The following MYRIP variants were observed in gnomAD, a reference collection of about 807,000 sequenced individuals.
MYRIP encodes the protein myosin VIIA and Rab interacting protein, also known as rab effector MyRIP.
MYRIP carries 49 observed loss-of-function variants against 98.0 expected under a neutral mutation model. The observed-to-expected ratio is 0.50, with a 90% CI of 0.40 to 0.63. The LOEUF (loss-of-function observed/expected upper bound fraction) is 0.63, where lower values mean the gene tolerates loss of function less well. Among genes scored for constraint, MYRIP ranks in the 30% least tolerant of loss-of-function variants. The pLI, the probability that MYRIP is intolerant of heterozygous loss-of-function variation, is 0.00. For missense variants in MYRIP, 1,004 were observed against 1,058.2 expected (o/e 0.95, Z 0.71); for synonymous variants, 404 against 409.5 (o/e 0.99, Z 0.16).
At position 39,929,742 on chromosome 3, in the gene MYRIP, T is replaced by G. The variant is rs530315268; in HGVS notation, c.110+28816T>G. On this transcript the variant is annotated intron_variant, in intron 2 of 16. Coordinates refer to ENST00000302541, the MANE Select transcript of MYRIP (RefSeq NM_015460.4). ...CGCTCCAAAAAGAAGCCCCATTCTC[T>G]CAACCTCTAGCAATCATTAATATAC... Among the ~76,000 whole-genome samples the G allele has an allele frequency of 4.4e-3, 669 of 152,134 alleles. 6 individuals are homozygous for G. Among genetic ancestry groups the G allele is most frequent in the African/African-American group, 0.015 (607 of 41,558 alleles).
chr3:39,981,087 T>A (rs1370418604), intron 2 of MYRIP, among the ~76,000 whole-genome samples: 1 of 152,208 alleles, frequency 6.6e-6, no homozygotes, highest in East Asian at 1.9e-4. Flanking sequence ...AACATAAGTG[T>A]CATGGAATTT....
At chr3:40,167,261 G>A (rs565237570) in intron 7 of MYRIP, 22 bp downstream of exon 7, 1 of 1,610,902 alleles carries the variant, frequency 6.2e-7, no homozygotes, top group Admixed American at 1.7e-5. Flanking sequence ...CTGGCAGTGG[G>A]ATGGCTGCAG....
intron 3 of MYRIP, among the ~76,000 whole-genome samples, chr3:40,117,751 T>C (rs1949313809): frequency 6.6e-6 from 1 of 152,080 alleles, no homozygotes; most frequent in Non-Finnish European, 1.5e-5. Flanking sequence ...AAAAAATAAA[T>C]AACTTTAGAC....
chr3:40,154,435 C>A (rs544994970), intron 4 of MYRIP, among the ~76,000 whole-genome samples: 3 of 152,160 alleles, frequency 2.0e-5, no homozygotes, highest in Admixed American at 6.5e-5. Flanking sequence ...CATTTCAGAG[C>A]CAAAACTCTA....
At position 39,864,811 on chromosome 3, in the gene MYRIP, T is replaced by C. The variant is rs756265433; in HGVS notation, c.-30-35976T>C. Among the ~76,000 whole-genome samples, 41 of 152,254 alleles carry C rather than the reference T, an allele frequency of 2.7e-4. 1 individual carries two copies. Among genetic ancestry groups the C allele is most frequent in the Non-Finnish European group, 1.0e-4 (7 of 67,984 alleles). On this transcript the variant is annotated intron_variant, in intron 1 of 16. Coordinates refer to ENST00000302541, the MANE Select transcript of MYRIP (RefSeq NM_015460.4). Reference sequence around the variant, plus strand: ...TTAGAAAAAGCTATTTTAAAATTCATATGGAACAAACGAAAAAAAGCCTAA... The same window carrying C: ...TTAGAAAAAGCTATTTTAAAATTCACATGGAACAAACGAAAAAAAGCCTAA...
intron 12 of MYRIP, among the ~76,000 whole-genome samples, chr3:40,243,342 T>G (rs2125712053): frequency 1.3e-5 from 2 of 151,374 alleles, no homozygotes; most frequent in Middle Eastern, 6.8e-3. Flanking sequence ...TGCCAAGGAA[T>G]TGACAGAGTG....
At chr3:39,938,029 A>G (rs543814062) in intron 2 of MYRIP, among the ~76,000 whole-genome samples, 47 of 152,302 alleles carry the variant, frequency 3.1e-4, no homozygotes, top group South Asian at 8.3e-4. Flanking sequence ...GTGGTCTCCT[A>G]GGAGAAAGCA....
At chr3:40,146,481 G>T (rs1457002273) in intron 3 of MYRIP, among the ~76,000 whole-genome samples, 1 of 152,132 alleles carries the variant, frequency 6.6e-6, no homozygotes, top group Non-Finnish European at 1.5e-5. Context: ...TTTAAAAGGG[G>T]CACCTCCCCA....
rs1953716019 is a variant in MYRIP at position 40,260,031 on chromosome 3, T to A, written c.*1865T>A. The A allele has an allele frequency of 6.6e-6, 1 of 152,664 alleles. No individual in the cohort carries two copies. Among genetic ancestry groups the A allele is most frequent in the Admixed American group, 6.5e-5 (1 of 15,274 alleles). 9.5% of individuals were successfully genotyped at this position (152,664 alleles called of 1,614,324 possible). A position where few individuals can be genotyped will look rare whatever the true frequency, so the allele number is the denominator to read the frequency against. ...GTGGCATCTGAACTTTTATAAAGGT[T>A]TCCTTGTGCCAAATAAGTGCAAAGA... is the stretch of plus-strand genomic sequence containing the variant. On this transcript the variant is annotated 3_prime_UTR_variant, in exon 17 of 17. Coordinates refer to ENST00000302541, the MANE Select transcript of MYRIP (RefSeq NM_015460.4).
chr3:40,063,203 G>A (rs1948054300), intron 3 of MYRIP, among the ~76,000 whole-genome samples: 1 of 152,188 alleles, frequency 6.6e-6, no homozygotes, highest in African/African-American at 2.4e-5. Flanking sequence ...AGACTAAGGA[G>A]ACATGACAGC....
intron 1 of MYRIP, among the ~76,000 whole-genome samples, chr3:39,829,655 GC>G (rs900867678): frequency 1.8e-4 from 28 of 152,212 alleles, no homozygotes; most frequent in African/African-American, 6.5e-4. Flanking sequence ...TGGGGTTGGG[GC>G]CATGGGGCTG....
At chr3:40,185,991 C>T (rs1403330377) in intron 9 of MYRIP, among the ~76,000 whole-genome samples, 3 of 152,164 alleles carry the variant, frequency 2.0e-5, no homozygotes, top group Admixed American at 1.3e-4. Context: ...GAAGACGTGG[C>T]TCTGCCCTCA....
intron 2 of MYRIP, among the ~76,000 whole-genome samples, chr3:39,942,308 T>C (rs1944806930): frequency 6.6e-6 from 1 of 152,132 alleles, no homozygotes; most frequent in Admixed American, 6.6e-5. Context: ...TAAGAAGCAG[T>C]AAACTCTTGG....
chr3:40,216,131 T>C (rs1182374200), intron 11 of MYRIP, among the ~76,000 whole-genome samples: 1 of 152,144 alleles, frequency 6.6e-6, no homozygotes, highest in Non-Finnish European at 1.5e-5. Context: ...AGAACTCCAA[T>C]GCAGACATAC....
chr3:39,972,015 G>A (rs1045230739), intron 2 of MYRIP, among the ~76,000 whole-genome samples: 1 of 151,998 alleles, frequency 6.6e-6, no homozygotes, highest in Non-Finnish European at 1.5e-5. Flanking sequence ...TATAATTGAC[G>A]CTTATGGTTC....
intron 16 of MYRIP, among the ~76,000 whole-genome samples, chr3:40,255,669 A>T (rs1953562796): frequency 6.6e-6 from 1 of 152,182 alleles, no homozygotes; most frequent in South Asian, 2.1e-4. Flanking sequence ...TTAAGTCATG[A>T]GCCTTTCTTG....
chr3:39,962,071 A>G (rs1945337529), intron 2 of MYRIP, among the ~76,000 whole-genome samples: 1 of 152,156 alleles, frequency 6.6e-6, no homozygotes, highest in Non-Finnish European at 1.5e-5. Flanking sequence ...TTGATGTCTA[A>G]TTAATTCATC....
chr3:40,056,209 C>T (rs190078790), intron 3 of MYRIP, among the ~76,000 whole-genome samples: 23 of 152,278 alleles, frequency 1.5e-4, no homozygotes, highest in Middle Eastern at 3.4e-3. Context: ...CTAGTTAGGG[C>T]AAGGGGATAC....
intron 4 of MYRIP, among the ~76,000 whole-genome samples, chr3:40,153,919 A>G (rs112793765): frequency 2.0e-5 from 3 of 152,248 alleles, no homozygotes; most frequent in African/African-American, 7.2e-5. Context: ...AGGCAGGCAG[A>G]TCACAAGGTC....
Sources: allele counts gnomAD v4.1 joint callset (sites outside exome capture counted in the v4.1 genomes callset), GRCh38; gene constraint gnomAD v4.1.1; transcripts MANE v1.5; gene names NCBI Gene and HGNC (gene_info 2026-07-23, HGNC 2026-07-21).